Variants in PRKAA2 observed in about 807,000 individuals in gnomAD.
The protein encoded by PRKAA2 is protein kinase AMP-activated catalytic subunit alpha 2, also known as 5'-AMP-activated protein kinase catalytic subunit alpha-2.
A neutral mutation model predicts 56.3 loss-of-function variants in PRKAA2; 40 were observed. The observed-to-expected ratio is 0.71, with a 90% confidence interval of 0.55 to 0.92. PRKAA2 has a LOEUF of 0.92. Ranked by LOEUF, PRKAA2 falls within the 40% of genes least tolerant of loss-of-function variation. PRKAA2 has a pLI of 0.00. For missense variants in PRKAA2, 542 were observed against 686.9 expected (o/e 0.79, Z 2.36); for synonymous variants, 214 against 234.2 (o/e 0.91, Z 0.79).
chr1:56,651,112 T>G (rs1024969602), intron 1 of PRKAA2, among the ~76,000 whole-genome samples: 1 of 152,156 alleles, frequency 6.6e-6, no homozygotes, highest in Non-Finnish European at 1.5e-5. Flanking sequence ...AGGATAACAC[T>G]GGAGTAGCGA....
intron 1 of PRKAA2, among the ~76,000 whole-genome samples, chr1:56,645,984 C>T (rs1387099070): frequency 6.6e-6 from 1 of 152,162 alleles, no homozygotes; most frequent in Non-Finnish European, 1.5e-5. Context: ...ACATGTTGTC[C>T]TCACCCTAAA....
chr1:56,681,318 C>T (rs1644153789), intron 2 of PRKAA2, among the ~76,000 whole-genome samples: 1 of 152,158 alleles, frequency 6.6e-6, no homozygotes, highest in Non-Finnish European at 1.5e-5. Context: ...CCTATTCACT[C>T]TGATGGTAGT....
intron 4 of PRKAA2, among the ~76,000 whole-genome samples, chr1:56,692,772 G>T (rs759788452): frequency 1.3e-5 from 2 of 150,666 alleles, no homozygotes. Context: ...CTAAGGAAAT[G>T]ATGCATAACT....
Position 56,696,146 on chromosome 1 carries a change from A to G in PRKAA2, c.775A>G (p.Ile259Val), listed in dbSNP as rs758394696. ...LQVDPLKRATIKDIREHEWFK... is the reference protein window; with the variant it reads ...LQVDPLKRATVKDIREHEWFK... ...GGTTGACCCACTGAAACGAGCAACT[A>G]TCAAAGACATAAGGTGATTTTTCTT... Residue 259 changes from isoleucine (I) to valine (V), a missense_variant, in exon 6 of 9, where the codon ATC (isoleucine) becomes GTC (valine). Ile to Val is a conservative substitution (Grantham distance 29, BLOSUM62 3). Around this residue, in one of 5 missense-constraint regions of PRKAA2, gnomAD observed 198 missense variants for 234.0 expected, o/e 0.85. Transcript: ENST00000371244. 6 of 1,611,324 alleles carry G rather than the reference A, an allele frequency of 3.7e-6. No homozygotes were observed. The highest frequency in any genetic ancestry group is 1.3e-5 in the African/African-American group (1 of 74,726).
intron 2 of PRKAA2, among the ~76,000 whole-genome samples, chr1:56,682,794 A>G (rs2100414364): frequency 6.6e-6 from 1 of 152,328 alleles, no homozygotes; most frequent in East Asian, 1.9e-4. Context: ...TGGCTAATAC[A>G]GTAGCCAGTG....
chr1:56,702,033 A>G (rs1200871587), intron 6 of PRKAA2, among the ~76,000 whole-genome samples: 1 of 151,568 alleles, frequency 6.6e-6, no homozygotes, highest in African/African-American at 2.4e-5. Context: ...GCACACCAGT[A>G]TTTCTTACTT....
chr1:56,659,822 C>T (rs753717712), intron 1 of PRKAA2, among the ~76,000 whole-genome samples: 2 of 152,116 alleles, frequency 1.3e-5, no homozygotes, highest in East Asian at 1.9e-4. Flanking sequence ...GCGGGAGGAT[C>T]GCTTAGGCCT....
intron 1 of PRKAA2, among the ~76,000 whole-genome samples, chr1:56,660,505 A>G (rs1643985684): frequency 6.6e-6 from 1 of 152,056 alleles, no homozygotes; most frequent in Non-Finnish European, 1.5e-5. Flanking sequence ...ATACTTGATT[A>G]TTTTCATGCA....
At chr1:56,657,218 TA>T (rs1643951517) in intron 1 of PRKAA2, among the ~76,000 whole-genome samples, 1 of 150,996 alleles carries the variant, frequency 6.6e-6, no homozygotes. Flanking sequence ...GGGGGTGGGG[TA>T]AAAAAAAGAA....
intron 2 of PRKAA2, among the ~76,000 whole-genome samples, chr1:56,685,656 C>A (rs1644185968): frequency 6.6e-6 from 1 of 152,100 alleles, no homozygotes; most frequent in Non-Finnish European, 1.5e-5. Context: ...TGAAACAAAT[C>A]TGATCAAGTA....
chr1:56,654,929 G>A (rs1004865993), intron 1 of PRKAA2, among the ~76,000 whole-genome samples: 23 of 151,786 alleles, frequency 1.5e-4, no homozygotes, highest in Non-Finnish European at 3.1e-4. Flanking sequence ...TATGATTAAA[G>A]ATAATTTATA....
intron 5 of PRKAA2, among the ~76,000 whole-genome samples, chr1:56,695,732 T>C (rs1481880212): frequency 6.6e-6 from 1 of 152,068 alleles, no homozygotes; most frequent in Non-Finnish European, 1.5e-5. Context: ...CCCTATTCAC[T>C]TGGCAGGCTT....
intron 2 of PRKAA2, among the ~76,000 whole-genome samples, chr1:56,684,318 T>A (rs1446752229): frequency 6.6e-6 from 1 of 151,962 alleles, no homozygotes; most frequent in Non-Finnish European, 1.5e-5. Context: ...CAAGTAGAGA[T>A]GTAAGTAGGC....
chr1:56,646,476 G>A (rs1437664061), intron 1 of PRKAA2, among the ~76,000 whole-genome samples: 2 of 152,148 alleles, frequency 1.3e-5, no homozygotes, highest in Admixed American at 1.3e-4. Flanking sequence ...TACTTTATTC[G>A]AGTTAAGTAA....
chr1:56,657,945 A>G (rs1173539687), intron 1 of PRKAA2, among the ~76,000 whole-genome samples: 1 of 152,212 alleles, frequency 6.6e-6, no homozygotes, highest in Non-Finnish European at 1.5e-5. Context: ...AACTAAATAG[A>G]TACTGACTAT....
At chr1:56,691,517 T>A (rs1448229938) in intron 3 of PRKAA2, 30 bp downstream of exon 3, 5 of 1,511,818 alleles carry the variant, frequency 3.3e-6, no homozygotes, top group Non-Finnish European at 4.5e-6. Flanking sequence ...GTACACTAAA[T>A]CTCTAAACTA....
At chr1:56,656,972 A>C (rs1643949448) in intron 1 of PRKAA2, among the ~76,000 whole-genome samples, 1 of 152,232 alleles carries the variant, frequency 6.6e-6, no homozygotes, top group Admixed American at 6.5e-5. Flanking sequence ...GGAATGGGGC[A>C]GAGGCAGCAT....
chr1:56,703,574 A>C (rs1644310438), intron 6 of PRKAA2, among the ~76,000 whole-genome samples: 1 of 152,214 alleles, frequency 6.6e-6, no homozygotes, highest in African/African-American at 2.4e-5. Flanking sequence ...TGGAAAAGAA[A>C]AAAAGCATAT....
chr1:56,651,245 G>A (rs754312832), intron 1 of PRKAA2, among the ~76,000 whole-genome samples: 2 of 152,192 alleles, frequency 1.3e-5, no homozygotes, highest in Non-Finnish European at 2.9e-5. Flanking sequence ...AGTCTGAAAT[G>A]TAGATGTAAT....
Sources: allele counts gnomAD v4.1 joint callset (sites outside exome capture counted in the v4.1 genomes callset), GRCh38; gene constraint gnomAD v4.1.1; regional missense constraint gnomAD v4.1.1; transcripts MANE v1.5; gene names NCBI Gene and HGNC (gene_info 2026-07-23, HGNC 2026-07-21).